Variants in SOX8 observed in about 807,000 individuals in gnomAD.
SOX8 encodes the protein SRY-box transcription factor 8, also known as transcription factor SOX-8.
Under a neutral mutation model 22.9 loss-of-function variants are expected in SOX8, and 9 were observed. That is an observed-to-expected ratio of 0.39 (90% CI 0.24 to 0.69). The LOEUF (loss-of-function observed/expected upper bound fraction) is 0.69, where lower values mean the gene tolerates loss of function less well. Among genes scored for constraint, SOX8 ranks in the 30% least tolerant of loss-of-function variants. The pLI, the probability that SOX8 is intolerant of heterozygous loss-of-function variation, is 0.43. For missense variants in SOX8, 734 were observed against 699.4 expected, an observed-to-expected ratio of 1.05 and a Z score of -0.56; for synonymous variants, 416 against 330.6, an observed-to-expected ratio of 1.26 and a Z score of -2.80.
At chr16:983,700 C>T in intron 1 of SOX8, 28 bp from the exon 2 acceptor site, 3 of 1,598,770 alleles carry the variant, frequency 1.9e-6, no homozygotes, top group Non-Finnish European at 2.6e-6. Flanking sequence ...GGCGCCCTGG[C>T]CATCCCTGCC....
At position 981,999 on chromosome 16, in the gene SOX8, AGGACTC is replaced by A. The variant is rs1026903929; in HGVS notation, c.88_93del (p.Ser30_Asp31del). ...ACCGCCAGCTCCATGTCGCACGTGG[AGGACTC>A]GGACTCGGACGCGCCGCCGTCTCCC... On this transcript the variant is annotated inframe_deletion, in exon 1 of 3. Coordinates refer to ENST00000293894, the MANE Select transcript of SOX8 (RefSeq NM_014587.5). 3 of 1,442,138 alleles carry A rather than the reference AGGACTC, an allele frequency of 2.1e-6. No homozygotes were observed. The highest frequency in any genetic ancestry group is 3.1e-5 in the East Asian group (1 of 32,704). The allele number at this position is 1,442,138 out of a possible 1,614,324, so 89.3% of individuals were successfully genotyped here. A position where few individuals can be genotyped will look rare whatever the true frequency, so the allele number is the denominator to read the frequency against.
At position 981,934 on chromosome 16, in the gene SOX8, G is replaced by A. The variant is rs1282224937; in HGVS notation, c.12G>A (p.Met4Ile). MLD[M>I]SEARSQPPCS... ...CGCGCGCGGCCCCGATGCTGGACAT[G>A]AGCGAGGCCCGCTCCCAGCCGCCCT... Residue 4 changes from methionine (M) to isoleucine (I), a missense_variant, in exon 1 of 3, where the codon ATG becomes ATA. Met to Ile is a conservative substitution (Grantham distance 10). Coordinates refer to ENST00000293894, the MANE Select transcript of SOX8 (RefSeq NM_014587.5). 1 of 1,382,610 alleles carries A rather than the reference G, an allele frequency of 7.2e-7. No individual in the cohort carries two copies. Among genetic ancestry groups the A allele is most frequent in the Non-Finnish European group, 9.4e-7 (1 of 1,065,242 alleles). 85.6% of individuals were successfully genotyped at this position (1,382,610 alleles called of 1,614,324 possible). A position where few individuals can be genotyped will look rare whatever the true frequency, so the allele number is the denominator to read the frequency against.
At position 985,581 on chromosome 16, in the gene SOX8, T is replaced by G; in HGVS notation, c.*195T>G. On this transcript the variant is annotated 3_prime_UTR_variant, in exon 3 of 3. Transcript: ENST00000293894. ...CTCTGCCGACGACGGACCAGCTCCC[T>G]CTCCCTTCTATCTTTCTTTTTGAGG... 1 of 535,062 alleles carries G rather than the reference T, an allele frequency of 1.9e-6. No individual in the cohort carries two copies. The highest frequency in any genetic ancestry group is 3.3e-6 in the Non-Finnish European group (1 of 306,478). The allele number at this position is 535,062 out of a possible 1,614,324, so 33.1% of individuals were successfully genotyped here.
At position 981,836 on chromosome 16, in the gene SOX8, C is replaced by T. The variant is rs1480776508; in HGVS notation, c.-87C>T. 9 of 830,000 alleles carry T rather than the reference C, an allele frequency of 1.1e-5. No homozygotes were observed. The East Asian group carries it at 6.2e-4, about 57-fold the overall frequency. The allele number at this position is 830,000 out of a possible 1,614,324, so 51.4% of individuals were successfully genotyped here. A position where few individuals can be genotyped will look rare whatever the true frequency, so the allele number is the denominator to read the frequency against. On this transcript the variant is annotated 5_prime_UTR_variant, in exon 1 of 3. Coordinates refer to ENST00000293894, the MANE Select transcript of SOX8 (RefSeq NM_014587.5). ...GAGGGTCGGGGCCACCGCGCGGCGA[C>T]CTCGGGTCCCGGAGCGACCGCAGGG...
chr16:983,446 G>A (rs908986543), intron 1 of SOX8: 3 of 305,424 alleles, frequency 9.8e-6, no homozygotes, highest in Non-Finnish European at 6.0e-6. Flanking sequence ...GGAACAGCAG[G>A]CCCGGAATAG....
rs2073394883 is a variant in SOX8 at position 982,051 on chromosome 16, C to T, written c.129C>T (p.Gly43=). ...PPSPAGSEGL[G]RAGVAVGGAR... ...CTCCCGCCGGCTCCGAGGGCCTGGG[C>T]CGCGCGGGGGTCGCGGTGGGGGGCG... Residue 43 remains glycine (G), a synonymous_variant, in exon 1 of 3, where the codon GGC becomes GGT. Transcript: ENST00000293894. The T allele has an allele frequency of 2.3e-6, 3 of 1,304,524 alleles. No individual in the cohort carries two copies. The highest frequency in any genetic ancestry group is 3.2e-5 in the East Asian group (1 of 31,266). 80.8% of individuals were successfully genotyped at this position (1,304,524 alleles called of 1,614,324 possible). A position where few individuals can be genotyped will look rare whatever the true frequency, so the allele number is the denominator to read the frequency against.
At position 983,697 on chromosome 16, in the gene SOX8, T is replaced by C. The variant is rs983749126; in HGVS notation, c.423-31T>C. On this transcript the variant is annotated intron_variant, in intron 1 of 2. Transcript: ENST00000293894. ...TGCGCCGAGGGCACAGTGGGCGCCC[T>C]GGCCATCCCTGCCTCTGCCCTGTGC... The C allele has an allele frequency of 1.9e-6, 3 of 1,596,954 alleles. No individual in the cohort carries two copies. The African/African-American group carries it at 4.0e-5, about 21-fold the overall frequency.
intron 1 of SOX8, 87 bp downstream of exon 1, chr16:982,431 C>G (rs895733081): frequency 8.0e-7 from 1 of 1,243,696 alleles, no homozygotes; most frequent in Admixed American, 4.2e-5. Context: ...GGGCGCAGAG[C>G]TCGCGGAGGT....
rs756957060 is a variant in SOX8 at position 982,356 on chromosome 16, C to T, written c.422+12C>T. 4.5e-6 allele frequency: 6 copies of T among 1,344,586 alleles called. No individual in the cohort carries two copies. The highest frequency in any genetic ancestry group is 4.1e-5 in the South Asian group (2 of 49,232). The allele number at this position is 1,344,586 out of a possible 1,614,324, so 83.3% of individuals were successfully genotyped here. ...GGCAAGCTGTGGCGGTGAGTGCCGG[C>T]GCCCCGGGGGCGGGGTTCGGGACCT... On this transcript the variant is annotated intron_variant, in intron 1 of 2. Transcript: ENST00000293894.
chr16:984,222 A>G (rs1034282827), intron 2 of SOX8, among the ~76,000 whole-genome samples: 1 of 152,186 alleles, frequency 6.6e-6, no homozygotes, highest in Non-Finnish European at 1.5e-5. Context: ...TTTCAGCAAG[A>G]CTCAGTCCAA....
chr16:981,902 GC>G lies in SOX8; in HGVS notation c.-17del. On this transcript the variant is annotated 5_prime_UTR_variant, in exon 1 of 3. Coordinates refer to ENST00000293894, the MANE Select transcript of SOX8 (RefSeq NM_014587.5). The stretch of plus-strand genomic sequence containing the variant: ...GCCCCGGTGCGCGTCTCCTGTGCGC[GC>G]CCCTCCGCGCGCGGCCCCGATGCTG... 1 of 1,220,792 alleles carries G rather than the reference GC, an allele frequency of 8.2e-7. No individual in the cohort carries two copies. The highest frequency in any genetic ancestry group is 2.7e-5 in the South Asian group (1 of 36,834). 75.6% of individuals were successfully genotyped at this position (1,220,792 alleles called of 1,614,324 possible).
intron 1 of SOX8, 47 bp downstream of exon 1, chr16:982,391 C>T (rs772003262): frequency 3.1e-5 from 40 of 1,300,004 alleles, no homozygotes; most frequent in Non-Finnish European, 3.8e-5. Context: ...TTGGCCGCCC[C>T]TGGTCTCGGA....
chr16:984,328 C>G (rs1241093601), intron 2 of SOX8, among the ~76,000 whole-genome samples: 1 of 152,216 alleles, frequency 6.6e-6, no homozygotes, highest in Non-Finnish European at 1.5e-5. Flanking sequence ...CTGCCGGGGC[C>G]TCGGTCAGGC....
rs779743962 is a variant in SOX8, at chr16:985,174, G to A, written c.1129G>A (p.Ala377Thr). 1.4e-5 allele frequency: 22 copies of A among 1,609,636 alleles called. No individual in the cohort carries two copies. Among genetic ancestry groups the A allele is most frequent in the African/African-American group, 2.7e-5 (2 of 74,946 alleles). ...ATPAAPAGPF[A>T]GSQGDYGDLQ... is the part of the protein sequence containing the mutation. ...CCCGGCCGCCCCCGCCGGCCCCTTC[G>A]CCGGCTCACAGGGCGACTATGGCGA... Residue 377 changes from alanine (A) to threonine (T), a missense_variant, in exon 3 of 3, where the codon GCC becomes ACC. Around this residue, in one of 3 missense-constraint regions of SOX8, gnomAD observed 588 missense variants for 568.2 expected, o/e 1.03. Coordinates refer to ENST00000293894, the MANE Select transcript of SOX8 (RefSeq NM_014587.5).
chr16:981,932 A>G lies in SOX8; in HGVS notation c.10A>G (p.Met4Val), dbSNP rs2073391570. 1.5e-6 allele frequency: 2 copies of G among 1,372,188 alleles called. No individual in the cohort carries two copies. The highest frequency in any genetic ancestry group is 1.9e-6 in the Non-Finnish European group (2 of 1,059,918). The allele number at this position is 1,372,188 out of a possible 1,614,324, so 85.0% of individuals were successfully genotyped here. A position where few individuals can be genotyped will look rare whatever the true frequency, so the allele number is the denominator to read the frequency against. MLD[M>V]SEARSQPPCS... The stretch of plus-strand genomic sequence containing the variant: ...TCCGCGCGCGGCCCCGATGCTGGAC[A>G]TGAGCGAGGCCCGCTCCCAGCCGCC... The change falls in exon 1 of 3, where the codon ATG becomes GTG. Residue 4 changes from methionine to valine, a missense_variant. Physicochemically the swap from Met to Val is conservative, Grantham distance 21. Transcript: ENST00000293894.
rs752064937 is a variant in SOX8 at position 983,914 on chromosome 16, G to A, written c.609G>A (p.Lys203=). ...GPHPGGGAVY[K]AEAGLGDGHH... Reference sequence around the variant, plus strand: ...ACCCTGGCGGCGGTGCCGTGTACAAGGCTGAAGCAGGGCTTGGAGATGGGC... The same window carrying A: ...ACCCTGGCGGCGGTGCCGTGTACAAAGCTGAAGCAGGGCTTGGAGATGGGC... The change falls in exon 2 of 3, where the codon AAG becomes AAA. Residue 203 remains lysine, a synonymous_variant. Transcript: ENST00000293894. 2 of 1,585,294 alleles carry A rather than the reference G, an allele frequency of 1.3e-6. No homozygotes were observed. Among genetic ancestry groups the A allele is most frequent in the Admixed American group, 1.8e-5 (1 of 56,006 alleles).
rs1466194174 is a variant in SOX8 at position 985,757 on chromosome 16, C to T, written c.*371C>T. The T allele has an allele frequency of 2.2e-5, 5 of 222,296 alleles. No individual in the cohort carries two copies. The highest frequency in any genetic ancestry group is 2.6e-5 in the Non-Finnish European group (3 of 114,504). 13.8% of individuals were successfully genotyped at this position (222,296 alleles called of 1,614,324 possible). On this transcript the variant is annotated 3_prime_UTR_variant, in exon 3 of 3. Coordinates refer to ENST00000293894, the MANE Select transcript of SOX8 (RefSeq NM_014587.5). ...AGGGGGTGGCAGGGGCCTTGCAGGG[C>T]GCTGTGAGGTCCAGGCCGGTCTTGG...
rs768314612 is a variant in SOX8, at chr16:984,894, C to T, written c.849C>T (p.His283=). The T allele has an allele frequency of 1.1e-5, 17 of 1,610,316 alleles. No individual in the cohort carries two copies. In the East Asian group the frequency reaches 2.0e-4, roughly 19 times the overall value. Residue 283 remains histidine (H), a synonymous_variant, in exon 3 of 3, where the codon CAC becomes CAT. Coordinates refer to ENST00000293894, the MANE Select transcript of SOX8 (RefSeq NM_014587.5). ...VMGTMDAFDV[H]EFDQYLPLGG... is the part of the protein sequence containing the mutation. ...GCACCATGGACGCCTTCGACGTCCA[C>T]GAGTTCGACCAGTACCTGCCCCTGG...
intron 1 of SOX8, chr16:982,973 G>A (rs2073416740): frequency 6.6e-6 from 1 of 152,370 alleles, no homozygotes; most frequent in Non-Finnish European, 1.5e-5. Flanking sequence ...CCAGAAATTA[G>A]GACTGCAGAG....
Sources: gnomAD v4.1 joint callset for allele counts (sites outside exome capture counted in the v4.1 genomes callset) on GRCh38, gnomAD v4.1.1 for gene constraint, gnomAD v4.1.1 regional missense constraint, MANE v1.5 for transcripts, NCBI Gene and HGNC (gene_info 2026-07-23, HGNC 2026-07-21) for gene names.